LRP6: variants seen among roughly 807,000 people sequenced by gnomAD.
LRP6 encodes the protein LDL receptor related protein 6.
A neutral mutation model predicts 184.1 loss-of-function variants in LRP6; 43 were observed. The ratio of observed to expected loss-of-function variants is 0.23; its 90% confidence interval spans 0.18 to 0.30. The LOEUF (loss-of-function observed/expected upper bound fraction) is 0.30. Among genes scored for constraint, LRP6 ranks in the 10% least tolerant of loss-of-function variants. The pLI, the probability that LRP6 is intolerant of heterozygous loss-of-function variation, is 1.00. For synonymous variants in LRP6, 719 were observed against 684.9 expected, an observed-to-expected ratio of 1.05 and a Z score of -0.78; for missense variants, 1,571 against 2,005.3, an observed-to-expected ratio of 0.78 and a Z score of 4.14.
intron 12 of LRP6, among the ~76,000 whole-genome samples, chr12:12,153,643 T>TA (rs1293523651): frequency 6.6e-6 from 1 of 152,250 alleles, no homozygotes; most frequent in Non-Finnish European, 1.5e-5. Flanking sequence ...AGTCAGTGTT[T>TA]AAAATGACAA....
At chr12:12,236,000 C>G (rs895121575) in intron 2 of LRP6, among the ~76,000 whole-genome samples, 15 of 152,128 alleles carry the variant, frequency 9.9e-5, no homozygotes, top group African/African-American at 3.4e-4. Flanking sequence ...CCGAGGCGGG[C>G]GGATCACCAG....
intron 2 of LRP6, among the ~76,000 whole-genome samples, chr12:12,211,758 T>C (rs1483453829): frequency 6.6e-6 from 1 of 152,220 alleles, no homozygotes; most frequent in Non-Finnish European, 1.5e-5. Flanking sequence ...TTAGTGGACA[T>C]AATGCAAAGA....
intron 22 of LRP6, among the ~76,000 whole-genome samples, chr12:12,124,331 C>A (rs1193254043): frequency 6.6e-6 from 1 of 152,074 alleles, no homozygotes; most frequent in African/African-American, 2.4e-5. Context: ...TGAGATCATG[C>A]CATTACACTC....
chr12:12,241,317 A>T (rs1404701326), intron 2 of LRP6, among the ~76,000 whole-genome samples: 3 of 152,186 alleles, frequency 2.0e-5, no homozygotes, highest in Non-Finnish European at 2.9e-5. Context: ...ATAAATCTGG[A>T]AATCATCTCT....
intron 3 of LRP6, among the ~76,000 whole-genome samples, chr12:12,192,770 T>C (rs1050960596): frequency 3.3e-5 from 5 of 151,544 alleles, no homozygotes; most frequent in African/African-American, 9.7e-5. Flanking sequence ...AAAGGAAAAA[T>C]GGGCAGTTCA....
chr12:12,230,568 C>T (rs191933113), intron 2 of LRP6, among the ~76,000 whole-genome samples: 1 of 151,964 alleles, frequency 6.6e-6, no homozygotes, highest in Admixed American at 6.6e-5. Flanking sequence ...CTTGAAGTTA[C>T]TTATATAATC....
chr12:12,153,644 A>G (rs1950110574), intron 12 of LRP6, among the ~76,000 whole-genome samples: 1 of 152,242 alleles, frequency 6.6e-6, no homozygotes, highest in African/African-American at 2.4e-5. Flanking sequence ...GTCAGTGTTT[A>G]AAATGACAAA....
Position 12,165,134 on chromosome 12 carries a change from T to C in LRP6, c.1707A>G (p.Ile569Met). The C allele has an allele frequency of 2.5e-6, 4 of 1,614,124 alleles. No homozygotes were observed. Among genetic ancestry groups the C allele is most frequent in the Non-Finnish European group, 2.5e-6 (3 of 1,180,010 alleles). ...HKRSAEREVI[I>M]DQLPDLMGLK... ...GGCCCATGAGGTCAGGCAGCTGATCTATGATCACTTCCCTCTCTGCACTTC... is the reference window on the plus strand; with the variant it reads ...GGCCCATGAGGTCAGGCAGCTGATCCATGATCACTTCCCTCTCTGCACTTC... Residue 569 changes from isoleucine (I) to methionine (M), a missense_variant, in exon 8 of 23, where the codon ATA becomes ATG. This residue lies in a region of LRP6 where 640 missense variants were observed against 851.9 expected (regional missense o/e 0.75). Transcript: ENST00000261349.
chr12:12,160,395 T>A (rs1322196529), intron 10 of LRP6, among the ~76,000 whole-genome samples: 1 of 152,260 alleles, frequency 6.6e-6, no homozygotes, highest in Non-Finnish European at 1.5e-5. Flanking sequence ...AACTTACTTT[T>A]TGACTTGTGT....
intron 2 of LRP6, among the ~76,000 whole-genome samples, chr12:12,241,668 T>C (rs185342889): frequency 1.3e-4 from 20 of 152,252 alleles, no homozygotes; most frequent in African/African-American, 4.6e-4. Context: ...TCCCCTCCTC[T>C]GCCTCCCACA....
In LRP6 at chr12:12,125,329, A is replaced by G; in HGVS notation, c.4416T>C (p.Ser1472=). The change falls in exon 21 of 23, where the codon AGT becomes AGC. Residue 1472 remains serine, a synonymous_variant. Transcript: ENST00000261349. ...AGTAAGTGCCTTTGGTGCTTGAAGA[A>G]CTACTTGATGATGCTCCTGTAACAT... ...RAHVTGASSS[S]SSSTKGTYFP... 6.2e-7 allele frequency: 1 copy of G among 1,614,082 alleles called. No homozygotes were observed. Among genetic ancestry groups the G allele is most frequent in the Non-Finnish European group, 8.5e-7 (1 of 1,179,976 alleles).
rs983426221 is a variant in LRP6, at chr12:12,124,498, A to C, written c.4547+67T>G. ...CCATCGTCTACTCATTTGGGGCTAT[A>C]TCAGGTCCACAACTGAAACACTTTC... is the stretch of plus-strand genomic sequence containing the variant. On this transcript the variant is annotated intron_variant, in intron 22 of 22. Transcript: ENST00000261349. 21 of 1,115,652 alleles carry C rather than the reference A, an allele frequency of 1.9e-5. No individual in the cohort carries two copies. In the Admixed American group the frequency reaches 3.4e-4, roughly 18 times the overall value. The allele number at this position is 1,115,652 out of a possible 1,614,324, so 69.1% of individuals were successfully genotyped here.
intron 7 of LRP6, among the ~76,000 whole-genome samples, chr12:12,175,665 T>C (rs1863160210): frequency 6.6e-6 from 1 of 151,128 alleles, no homozygotes; most frequent in African/African-American, 2.4e-5. Flanking sequence ...CACTCCAGCC[T>C]GGACGACAGA....
Position 12,266,992 on chromosome 12 carries a change from C to CCCCCGCGCAGCTCCTCATTCAGCCTCTG in LRP6, c.-285_-258dup, listed in dbSNP as rs1412435712. ...CGCCTCCTCCCCCGGCGCCCCGCTT[C>CCCCCGCGCAGCTCCTCATTCAGCCTCTG]CCCCGCGCAGCTCCTCATTCAGCCT... is the stretch of plus-strand genomic sequence containing the variant. On this transcript the variant is annotated 5_prime_UTR_variant, in exon 1 of 23. In the 5' UTR this introduces an upstream ATG that the reference lacks. Transcript: ENST00000261349. 7.6e-6 allele frequency: 4 copies of CCCCCGCGCAGCTCCTCATTCAGCCTCTG among 528,234 alleles called. No individual in the cohort carries two copies. Among genetic ancestry groups the CCCCCGCGCAGCTCCTCATTCAGCCTCTG allele is most frequent in the Non-Finnish European group, 1.3e-5 (4 of 302,812 alleles). The allele number at this position is 528,234 out of a possible 1,614,324, so 32.7% of individuals were successfully genotyped here.
chr12:12,184,986 CAAT>C (rs1863434703), intron 4 of LRP6, among the ~76,000 whole-genome samples: 1 of 152,002 alleles, frequency 6.6e-6, no homozygotes, highest in Non-Finnish European at 1.5e-5. Context: ...AAAGGACCAA[CAAT>C]GCCATTTAAA....
chr12:12,137,520 C>T (rs530218145), intron 16 of LRP6, among the ~76,000 whole-genome samples: 99 of 152,198 alleles, frequency 6.5e-4, no homozygotes, highest in Middle Eastern at 3.4e-3. Flanking sequence ...AAAAACCAAG[C>T]ACCTACTAAT....
chr12:12,126,453 T>G (rs1022984135), intron 20 of LRP6, among the ~76,000 whole-genome samples: 3 of 152,228 alleles, frequency 2.0e-5, no homozygotes, highest in Non-Finnish European at 2.9e-5. Flanking sequence ...TCAGAGAGGC[T>G]TAGAGCTTGC....
intron 1 of LRP6, among the ~76,000 whole-genome samples, chr12:12,249,769 A>G (rs1380797949): frequency 6.6e-6 from 1 of 152,160 alleles, no homozygotes; most frequent in East Asian, 1.9e-4. Context: ...TCAACAAGCA[A>G]TTCTATGCAG....
chr12:12,155,488 A>G (rs1565572581), intron 12 of LRP6: 1 of 880,930 alleles, frequency 1.1e-6, no homozygotes, highest in African/African-American at 1.6e-5. Flanking sequence ...GCATTGTTGT[A>G]AACAAAAAAG....
Sources: allele counts gnomAD v4.1 joint callset (sites outside exome capture counted in the v4.1 genomes callset), GRCh38; gene constraint gnomAD v4.1.1; regional missense constraint gnomAD v4.1.1; transcripts MANE v1.5; gene names NCBI Gene and HGNC (gene_info 2026-07-23, HGNC 2026-07-21).